ATF7: variants seen among roughly 807,000 people sequenced by gnomAD.
ATF7 encodes the protein cyclic AMP-dependent transcription factor ATF-7.
A neutral mutation model predicts 50.4 loss-of-function variants in ATF7; 10 were observed. That is an observed-to-expected ratio of 0.20 (90% CI 0.12 to 0.34). The LOEUF is 0.34. ATF7 is among the 10% of genes least tolerant of loss of function. The probability of loss-of-function intolerance (pLI) is 1.00; values close to 1 mark genes in which losing one functional copy is unlikely to be tolerated. For missense variants in ATF7, 465 were observed against 613.9 expected, an observed-to-expected ratio of 0.76 and a Z score of 2.56; for synonymous variants, 201 against 226.4, an observed-to-expected ratio of 0.89 and a Z score of 1.01.
intron 2 of ATF7, among the ~76,000 whole-genome samples, chr12:53,560,236 T>A (rs1301911496): frequency 6.6e-6 from 1 of 152,174 alleles, no homozygotes; most frequent in African/African-American, 2.4e-5. Flanking sequence ...CTTTACTTTT[T>A]TAAATTTCAA....
At chr12:53,546,918 TA>T (rs748889398) in intron 3 of ATF7, among the ~76,000 whole-genome samples, 1 of 150,306 alleles carries the variant, frequency 6.7e-6, no homozygotes, top group African/African-American at 2.4e-5. Context: ...CCATCATGCC[TA>T]ACTAATTTTT....
intron 2 of ATF7, 106 bp downstream of exon 2, chr12:53,600,847 T>G (rs1256397000): frequency 7.4e-6 from 8 of 1,082,368 alleles, no homozygotes; most frequent in Non-Finnish European, 9.6e-6. Context: ...TCTGATTACC[T>G]CCAGTGATCA....
Position 53,575,198 on chromosome 12 carries a change from G to A in ATF7, c.49-22561C>T, listed in dbSNP as rs184650445. On this transcript the variant is annotated intron_variant, in intron 2 of 11. Transcript: ENST00000420353. ...CGAGGCAGGCGGATCACCTGAGGTT[G>A]AGAGTTCGAGACCAGCCTGACCAAC... Among the ~76,000 whole-genome samples the A allele has an allele frequency of 1.2e-3, 185 of 151,396 alleles. 1 individual carries two copies. In the South Asian group the frequency reaches 0.014, roughly 11 times the overall value.
chr12:53,604,928 T>C (rs1371319556), intron 1 of ATF7, among the ~76,000 whole-genome samples: 1 of 152,192 alleles, frequency 6.6e-6, no homozygotes, highest in Non-Finnish European at 1.5e-5. Flanking sequence ...TCATCTGTCA[T>C]GAAAGAAATC....
chr12:53,604,397 G>A (rs766810148), intron 1 of ATF7, among the ~76,000 whole-genome samples: 4 of 152,148 alleles, frequency 2.6e-5, no homozygotes, highest in Non-Finnish European at 5.9e-5. Flanking sequence ...AATCTCAGAG[G>A]TAGATCCTAA....
At chr12:53,568,221 A>G (rs1029034090) in intron 2 of ATF7, among the ~76,000 whole-genome samples, 5 of 152,240 alleles carry the variant, frequency 3.3e-5, no homozygotes, top group African/African-American at 1.2e-4. Context: ...CACAATAACA[A>G]AAACCCTGCC....
chr12:53,586,585 A>G (rs1208216953), intron 2 of ATF7, among the ~76,000 whole-genome samples: 2 of 152,208 alleles, frequency 1.3e-5, no homozygotes, highest in African/African-American at 4.8e-5. Context: ...ATTGTCAGTG[A>G]GCTTGAGAAC....
At chr12:53,508,208 G>A (rs1249260458), downstream of ATF7, 1 of 150,008 alleles carries the variant, frequency 6.7e-6, no homozygotes, top group African/African-American at 2.4e-5. Flanking sequence ...CCAAGTAGCT[G>A]GGACTACAGG....
At chr12:53,550,738 A>G (rs1940300996) in intron 3 of ATF7, among the ~76,000 whole-genome samples, 1 of 152,234 alleles carries the variant, frequency 6.6e-6, no homozygotes, top group Non-Finnish European at 1.5e-5. Context: ...GTTGGGATAC[A>G]TATGACACAC....
intron 2 of ATF7, among the ~76,000 whole-genome samples, chr12:53,587,527 C>G (rs1224151479): frequency 6.6e-6 from 1 of 151,190 alleles, no homozygotes; most frequent in African/African-American, 2.4e-5. Flanking sequence ...AATACTAAAA[C>G]TAGCTGGTTC....
chr12:53,608,184 C>G (rs571752455), intron 1 of ATF7, among the ~76,000 whole-genome samples: 1 of 143,326 alleles, frequency 7.0e-6, no homozygotes, highest in African/African-American at 2.6e-5. Context: ...TGTGCCACTG[C>G]GCTCCAGCCT....
intron 3 of ATF7, among the ~76,000 whole-genome samples, chr12:53,551,166 C>T (rs1350851703): frequency 1.3e-5 from 2 of 149,644 alleles, no homozygotes; most frequent in Non-Finnish European, 3.0e-5. Flanking sequence ...CCAGGTTTTC[C>T]TTTTGTTTTT....
chr12:53,581,746 C>T (rs1287469151), intron 2 of ATF7, among the ~76,000 whole-genome samples: 1 of 151,720 alleles, frequency 6.6e-6, no homozygotes, highest in Non-Finnish European at 1.5e-5. Context: ...GATCTAAAAT[C>T]AATAATCTAA....
At position 53,516,362 on chromosome 12, in the gene ATF7, G is replaced by A. The variant is rs1385739425; in HGVS notation, c.*775C>T. ...CACAAAATGAGGTTGCCAAGGCTTA[G>A]TGGGGTGGTGGGAAAGACCCCACCA... is the stretch of plus-strand genomic sequence containing the variant. On this transcript the variant is annotated 3_prime_UTR_variant, in exon 12 of 12. Transcript: ENST00000420353. 2 of 152,374 alleles carry A rather than the reference G, an allele frequency of 1.3e-5. No individual in the cohort carries two copies. Among genetic ancestry groups the A allele is most frequent in the African/African-American group, 4.8e-5 (2 of 41,422 alleles). The allele number at this position is 152,374 out of a possible 1,614,324, so 9.4% of individuals were successfully genotyped here.
intron 2 of ATF7, chr12:53,574,837 TA>T: frequency 3.2e-6 from 1 of 312,068 alleles, no homozygotes. Context: ...CCTAAAGAAA[TA>T]GACATATATT....
intron 2 of ATF7, among the ~76,000 whole-genome samples, chr12:53,580,181 T>C (rs1050672370): frequency 6.6e-6 from 1 of 151,344 alleles, no homozygotes; most frequent in Non-Finnish European, 1.5e-5. Context: ...TCCACCTGCC[T>C]TGGCCTCCCA....
chr12:53,521,256 T>G (rs1462075765), intron 11 of ATF7, among the ~76,000 whole-genome samples: 2 of 152,204 alleles, frequency 1.3e-5, no homozygotes, highest in Non-Finnish European at 2.9e-5. Flanking sequence ...CCTCCCAAAG[T>G]GCTGGGATTA....
At chr12:53,508,586 G>A (rs1264401782), downstream of ATF7, among the ~76,000 whole-genome samples, 1 of 151,836 alleles carries the variant, frequency 6.6e-6, no homozygotes, top group Admixed American at 6.6e-5. Context: ...AAGATATAGA[G>A]GGAGGCTACA....
intron 3 of ATF7, among the ~76,000 whole-genome samples, chr12:53,545,884 T>C (rs2137455996): frequency 6.6e-6 from 1 of 151,416 alleles, no homozygotes; most frequent in East Asian, 2.0e-4. Context: ...ATGGTGAAAC[T>C]CCATCTCTTC....
Sources: allele counts gnomAD v4.1 joint callset (sites outside exome capture counted in the v4.1 genomes callset), GRCh38; gene constraint gnomAD v4.1.1; transcripts MANE v1.5; gene names NCBI Gene and HGNC (gene_info 2026-07-23, HGNC 2026-07-21).